The following TACC3 variants were observed in gnomAD, a reference collection of about 807,000 sequenced individuals.
TACC3 encodes the protein transforming acidic coiled-coil containing protein 3, also known as transforming acidic coiled-coil-containing protein 3.
TACC3 carries 52 observed loss-of-function variants against 86.0 expected under a neutral mutation model. The observed-to-expected ratio is 0.60, with a 90% CI of 0.48 to 0.76. TACC3 has a LOEUF of 0.76. Ranked by LOEUF, TACC3 falls within the 30% of genes least tolerant of loss-of-function variation. The probability of loss-of-function intolerance (pLI) is 0.00; values close to 1 mark genes in which losing one functional copy is unlikely to be tolerated. For synonymous variants in TACC3, 512 were observed against 430.0 expected (o/e 1.19, Z -2.36); for missense variants, 1,120 against 1,070.4 (o/e 1.05, Z -0.65).
intron 13 of TACC3, among the ~76,000 whole-genome samples, chr4:1,743,891 T>C (rs1718713930): frequency 1.3e-5 from 2 of 152,138 alleles, no homozygotes; most frequent in South Asian, 4.1e-4. Context: ...AGGGAGAGGC[T>C]GCAGTGCTGA....
chr4:1,731,822 A>G (rs1052866663), intron 6 of TACC3, among the ~76,000 whole-genome samples: 1 of 152,216 alleles, frequency 6.6e-6, no homozygotes, highest in Non-Finnish European at 1.5e-5. Context: ...TTTAGTGGCA[A>G]CGGGGTTTCA....
At chr4:1,727,467 G>A (rs1717743860) in intron 3 of TACC3, among the ~76,000 whole-genome samples, 1 of 152,194 alleles carries the variant, frequency 6.6e-6, no homozygotes. Context: ...CATGAGGGCG[G>A]GGTCAGCGAG....
rs377236288 is a variant in TACC3, at chr4:1,740,881, A to G, written c.2118A>G (p.Lys706=). 4.3e-6 allele frequency: 7 copies of G among 1,613,072 alleles called. No homozygotes were observed. The highest frequency in any genetic ancestry group is 5.9e-6 in the Non-Finnish European group (7 of 1,179,846). Residue 706 remains lysine, a synonymous_variant, in exon 13 of 16, where the codon AAA becomes AAG. Transcript: ENST00000313288. ...LSKAEIQKVL[K]EKDQLTTDLN... is the part of the protein sequence containing the mutation. ...AAGCTGAAATCCAGAAAGTTCTAAA[A>G]GAAAAAGACCAACTTACCACAGATC...
intron 13 of TACC3, 199 bp from the exon 14 acceptor site, chr4:1,744,319 G>A: frequency 1.7e-6 from 1 of 583,282 alleles, no homozygotes; most frequent in South Asian, 2.1e-5. Context: ...AGGGTGGAGA[G>A]CCAGGGCTGT....
chr4:1,741,015 C>T (rs1182021085), intron 13 of TACC3, 29 bp downstream of exon 13: 1 of 1,574,812 alleles, frequency 6.3e-7, no homozygotes, highest in South Asian at 1.2e-5. Flanking sequence ...GGTGTCCTCA[C>T]CTCGGAGGCT....
rs776844336 is a variant in TACC3 at position 1,740,012 on chromosome 4, C to CA, written c.2062+10_2062+11insA. On this transcript the variant is annotated intron_variant, in intron 12 of 15. Transcript: ENST00000313288. Reference sequence around the variant, plus strand: ...GTGTACCAGGCCATGGGTGAGTGCCCGGGCCACCGAGGCCACGTGCCTCCA... The same window carrying CA: ...GTGTACCAGGCCATGGGTGAGTGCCCAGGGCCACCGAGGCCACGTGCCTCCA... The CA allele has an allele frequency of 1.9e-6, 3 of 1,612,830 alleles. No homozygotes were observed. The highest frequency in any genetic ancestry group is 1.7e-6 in the Non-Finnish European group (2 of 1,179,912).
intron 6 of TACC3, 101 bp downstream of exon 6, chr4:1,731,402 T>G: frequency 7.1e-7 from 1 of 1,414,036 alleles, no homozygotes; most frequent in Middle Eastern, 2.5e-4. Flanking sequence ...GGTGGTCATT[T>G]CGCAGGCAGT....
chr4:1,721,006 C>T (rs1330738928), upstream of TACC3: 2 of 266,760 alleles, frequency 7.5e-6, no homozygotes, highest in Admixed American at 1.2e-4. Context: ...CACTCTAGGA[C>T]ATGGAGTCCC....
Position 1,744,797 on chromosome 4 carries a change from C to T in TACC3, c.2416C>T (p.Arg806Cys). 1.9e-6 allele frequency: 3 copies of T among 1,612,856 alleles called. No homozygotes were observed. Among genetic ancestry groups the T allele is most frequent in the Non-Finnish European group, 1.7e-6 (2 of 1,180,014 alleles). Residue 806 changes from arginine (R) to cysteine (C), a missense_variant, in exon 15 of 16, where the codon CGC becomes TGC. By Grantham distance (180) the Arg-to-Cys change is radical. Transcript: ENST00000313288. ...GGCCAGCCTGAGGAAGGAGCAGATG[C>T]GCATCCAGTCGCTGGAGAAGACAGT... is the stretch of plus-strand genomic sequence containing the variant. The part of the protein sequence containing the change: ...LQASLRKEQM[R>C]IQSLEKTVEQ...
intron 13 of TACC3, among the ~76,000 whole-genome samples, chr4:1,742,798 C>CAAAAA (rs755757373): frequency 5.3e-5 from 7 of 133,178 alleles, no homozygotes; most frequent in Admixed American, 1.5e-4. Flanking sequence ...GACTCCATCT[C>CAAAAA]AAAAAAAAAA....
chr4:1,731,388 G>A (rs977914918), intron 6 of TACC3, 87 bp downstream of exon 6: 115 of 1,482,706 alleles, frequency 7.8e-5, no homozygotes, highest in Middle Eastern at 7.1e-4. Flanking sequence ...CTGCATCATC[G>A]GCAGGTGGTC....
At chr4:1,731,667 G>A (rs749765103) in intron 6 of TACC3, among the ~76,000 whole-genome samples, 12 of 151,754 alleles carry the variant, frequency 7.9e-5, no homozygotes, top group East Asian at 1.9e-4. Context: ...AGATAGTCTC[G>A]CTCTGTCACC....
rs1472478500 is a variant in TACC3, at chr4:1,723,757, A to G, written c.192A>G (p.Pro64=). 6.2e-7 allele frequency: 1 copy of G among 1,613,824 alleles called. No individual in the cohort carries two copies. The highest frequency in any genetic ancestry group is 1.3e-5 in the African/African-American group (1 of 75,062). Residue 64 remains proline (P), a synonymous_variant, in exon 3 of 16, where the codon CCA becomes CCG. Coordinates refer to ENST00000313288, the MANE Select transcript of TACC3 (RefSeq NM_006342.3). ...KVTFQTPLRD[P]QTHRILSPSM... ...CTTTTCAGACACCTCTGCGGGATCC[A>G]CAGACGCACAGGATTCTAAGTCCTA...
At position 1,740,939 on chromosome 4, in the gene TACC3, T is replaced by C; in HGVS notation, c.2176T>C (p.Phe726Leu). The change falls in exon 13 of 16, where the codon TTC (phenylalanine) becomes CTC (leucine). Residue 726 changes from phenylalanine (F) to leucine (L), a missense_variant. Physicochemically the swap from Phe to Leu is conservative, Grantham distance 22 (BLOSUM62 0). Transcript: ENST00000313288. The part of the protein sequence containing the change: ...NSMEKSFSDL[F>L]KRFEKQKEVI... The stretch of plus-strand genomic sequence containing the variant: ...CATGGAGAAGTCCTTCTCCGACCTC[T>C]TCAAGCGTTTTGAGAAACAGAAAGA... 6.2e-7 allele frequency: 1 copy of C among 1,611,700 alleles called. No homozygotes were observed.
chr4:1,744,986 C>T lies in TACC3; in HGVS notation c.2490C>T (p.Asp830=), dbSNP rs2108726154. 6.2e-7 allele frequency: 1 copy of T among 1,610,820 alleles called. No homozygotes were observed. Among genetic ancestry groups the T allele is most frequent in the Non-Finnish European group, 8.5e-7 (1 of 1,179,090 alleles). The change falls in exon 16 of 16, where the codon GAC becomes GAT. Residue 830 remains aspartate (D), a synonymous_variant. Transcript: ENST00000313288. ...AGGAGCTGACCAGGATCTGCGACGA[C>T]CTCATCTCCAAGATGGAGAAGATCT... is the stretch of plus-strand genomic sequence containing the variant. ...ENEELTRICD[D]LISKMEKI is the part of the protein sequence containing the mutation.
At chr4:1,725,304 C>T (rs1422575243) in intron 3 of TACC3, among the ~76,000 whole-genome samples, 1 of 152,042 alleles carries the variant, frequency 6.6e-6, no homozygotes, top group African/African-American at 2.4e-5. Context: ...TGATGCTTCT[C>T]ACCCCCTGAG....
upstream of TACC3, chr4:1,720,637 C>T (rs1367964217): frequency 1.3e-6 from 2 of 1,539,504 alleles, no homozygotes; most frequent in South Asian, 2.4e-5. This position sits in a 1 kb window ranked among gnomAD's most constrained non-coding sequence, Gnocchi z 4.4. Context: ...CCTCACCGAG[C>T]GGCAGCAGCG....
At position 1,730,845 on chromosome 4, in the gene TACC3, TGGGG is replaced by T. The variant is rs199500838; in HGVS notation, c.1386-41_1386-38del. 6 of 1,468,266 alleles carry T rather than the reference TGGGG, an allele frequency of 4.1e-6. No individual in the cohort carries two copies. In the Admixed American group the frequency reaches 1.1e-4, roughly 27 times the overall value. The allele number at this position is 1,468,266 out of a possible 1,614,324, so 91.0% of individuals were successfully genotyped here. ...GCTGGAGCAGGGGACGCCGGGGTTATGGGGTGGGGGGCATGGGCCTCTGCTGACT... is the reference window on the plus strand; with the variant it reads ...GCTGGAGCAGGGGACGCCGGGGTTATTGGGGGGCATGGGCCTCTGCTGACT... On this transcript the variant is annotated intron_variant, in intron 4 of 15. Transcript: ENST00000313288.
chr4:1,721,013 TCCCGCCGC>T (rs1717304895), upstream of TACC3: 2 of 221,894 alleles, frequency 9.0e-6, no homozygotes, highest in East Asian at 1.1e-4. Flanking sequence ...GGACATGGAG[TCCCGCCGC>T]CCGGCCGCCC....
Sources: gnomAD v4.1 joint callset for allele counts (sites outside exome capture counted in the v4.1 genomes callset) on GRCh38, gnomAD v4.1.1 for gene constraint, Gnocchi (gnomAD v3.1) non-coding constraint, MANE v1.5 for transcripts, NCBI Gene and HGNC (gene_info 2026-07-23, HGNC 2026-07-21) for gene names.